Variants in MMAA observed in about 807,000 individuals in gnomAD.
MMAA encodes the protein methylmalonic aciduria type A protein, mitochondrial.
MMAA carries 41 observed loss-of-function variants against 45.0 expected under a neutral mutation model. That is an observed-to-expected ratio of 0.91 (90% CI 0.71 to 1.18). The LOEUF is 1.18. MMAA is among the 50% of genes most tolerant of loss of function. The pLI is 0.00. For synonymous variants in MMAA, 154 were observed against 178.2 expected, an observed-to-expected ratio of 0.86 and a Z score of 1.08; for missense variants, 460 against 495.7, an observed-to-expected ratio of 0.93 and a Z score of 0.68.
intron 1 of MMAA, among the ~76,000 whole-genome samples, chr4:145,638,826 A>G (rs80026420): frequency 6.6e-6 from 1 of 152,150 alleles, no homozygotes; most frequent in South Asian, 2.1e-4. Context: ...TTAGAAGAAA[A>G]AGTGTAAATT....
chr4:145,631,753 G>T (rs914818167), intron 1 of MMAA, among the ~76,000 whole-genome samples: 1 of 151,940 alleles, frequency 6.6e-6, no homozygotes, highest in Non-Finnish European at 1.5e-5. Flanking sequence ...GTGATTTTCT[G>T]TGCTGATATG....
intron 1 of MMAA, chr4:145,625,539 A>C: frequency 1.3e-6 from 1 of 750,202 alleles, no homozygotes; most frequent in Non-Finnish European, 2.5e-6. Flanking sequence ...ATAAGCCATC[A>C]AGTGCTCAGA....
chr4:145,624,560 T>G (rs996832497), intron 1 of MMAA: 12 of 1,195,598 alleles, frequency 1.0e-5, no homozygotes, highest in Non-Finnish European at 3.7e-6. Flanking sequence ...AATCAGCAAT[T>G]CTAGAAGGAA....
At chr4:145,651,577 A>G (rs547915367) in intron 5 of MMAA, among the ~76,000 whole-genome samples, 2 of 152,312 alleles carry the variant, frequency 1.3e-5, no homozygotes, top group African/African-American at 4.8e-5. Context: ...CAGACTTTAT[A>G]GGGTGAGGGC....
chr4:145,646,552 A>C (rs897847873), intron 4 of MMAA: 6 of 231,822 alleles, frequency 2.6e-5, no homozygotes, highest in Non-Finnish European at 3.4e-5. Flanking sequence ...GTTTTATTTC[A>C]TTGTTTTATA....
At chr4:145,619,675 T>G (rs1578865268) in intron 1 of MMAA, among the ~76,000 whole-genome samples, 1 of 152,228 alleles carries the variant, frequency 6.6e-6, no homozygotes, top group East Asian at 1.9e-4. Context: ...TTTAAAATTC[T>G]CATCTTGGTT....
intron 1 of MMAA, among the ~76,000 whole-genome samples, chr4:145,631,585 AT>A (rs984653927): frequency 1.3e-5 from 2 of 151,244 alleles, no homozygotes; most frequent in Non-Finnish European, 3.0e-5. Flanking sequence ...TGGGTCTTTT[AT>A]TTTTTTTATC....
chr4:145,625,883 C>G (rs192038304), intron 1 of MMAA: 12 of 1,491,986 alleles, frequency 8.0e-6, no homozygotes, highest in Non-Finnish European at 1.1e-5. Flanking sequence ...AACTGTGAAT[C>G]TGAGCTTTGA....
At chr4:145,650,730 T>C (rs1728066206) in intron 4 of MMAA, 1 of 337,156 alleles carries the variant, frequency 3.0e-6, no homozygotes, top group Non-Finnish European at 5.5e-6. Flanking sequence ...TTTGTAGGCA[T>C]GATTCAAGAT....
chr4:145,648,966 G>A (rs905797310), intron 4 of MMAA, among the ~76,000 whole-genome samples: 2 of 151,540 alleles, frequency 1.3e-5, no homozygotes, highest in Admixed American at 6.6e-5. Context: ...CAGCTGGGGT[G>A]ACAGAGTGAG....
At chr4:145,654,562 T>C (rs1470051550) in intron 6 of MMAA, among the ~76,000 whole-genome samples, 2 of 152,252 alleles carry the variant, frequency 1.3e-5, no homozygotes, top group African/African-American at 2.4e-5. Flanking sequence ...TGTGGTCATC[T>C]TTATCTGTAG....
Position 145,620,994 on chromosome 4 carries a change from G to A in MMAA, c.-66+1587G>A, listed in dbSNP as rs79041663. Among the ~76,000 whole-genome samples the A allele has an allele frequency of 1.4e-3, 217 of 152,246 alleles. 1 individual carries two copies. The East Asian group carries it at 0.036, about 26-fold the overall frequency. On this transcript the variant is annotated intron_variant, in intron 1 of 6. Transcript: ENST00000649156. ...ACTTTTGGAGGAATTTGAGTAGGAG[G>A]CTAAGGAGATCACATTCACCTTTCA...
chr4:145,639,962 T>G, intron 2 of MMAA: 2 of 487,716 alleles, frequency 4.1e-6, no homozygotes, highest in African/African-American at 2.1e-5. Flanking sequence ...ATTATCACGT[T>G]TGAAAATTCT....
Position 145,657,181 on chromosome 4 carries a change from TAA to T in MMAA, c.*1750_*1751del, listed in dbSNP as rs1728258424. Reference sequence around the variant, plus strand: ...CTTTTGTTAGCTTTAATTTTAAGGCTAAAAGCATTTCTTCTCAGTTTGAACTA... The same window carrying T: ...CTTTTGTTAGCTTTAATTTTAAGGCTAAGCATTTCTTCTCAGTTTGAACTA... On this transcript the variant is annotated 3_prime_UTR_variant, in exon 7 of 7. Transcript: ENST00000649156. The T allele has an allele frequency of 6.6e-6, 1 of 152,216 alleles. No individual in the cohort carries two copies. The highest frequency in any genetic ancestry group is 2.4e-5 in the African/African-American group (1 of 41,470). 9.4% of individuals were successfully genotyped at this position (152,216 alleles called of 1,614,324 possible). A position where few individuals can be genotyped will look rare whatever the true frequency, so the allele number is the denominator to read the frequency against.
rs1426084407 is a variant in MMAA, at chr4:145,658,590, G to A, written c.*3156G>A. The A allele has an allele frequency of 6.6e-6, 1 of 151,446 alleles. No homozygotes were observed. The highest frequency in any genetic ancestry group is 1.5e-5 in the Non-Finnish European group (1 of 67,966). The allele number at this position is 151,446 out of a possible 1,614,324, so 9.4% of individuals were successfully genotyped here. ...CTCTTCAGAATCACTCGATCATATG[G>A]CCATTTCCCTAAGCTTTTATAGCTA... is the stretch of plus-strand genomic sequence containing the variant. On this transcript the variant is annotated 3_prime_UTR_variant, in exon 7 of 7. Coordinates refer to ENST00000649156, the MANE Select transcript of MMAA (RefSeq NM_172250.3).
In MMAA at chr4:145,659,118, A is replaced by T. The variant is rs1418565380; in HGVS notation, c.*3684A>T. The T allele has an allele frequency of 6.6e-6, 1 of 152,228 alleles. No individual in the cohort carries two copies. The highest frequency in any genetic ancestry group is 1.5e-5 in the Non-Finnish European group (1 of 68,040). The allele number at this position is 152,228 out of a possible 1,614,324, so 9.4% of individuals were successfully genotyped here. A position where few individuals can be genotyped will look rare whatever the true frequency, so the allele number is the denominator to read the frequency against. On this transcript the variant is annotated 3_prime_UTR_variant, in exon 7 of 7. Coordinates refer to ENST00000649156, the MANE Select transcript of MMAA (RefSeq NM_172250.3). ...AAACTTTCCTTTAAAAGGAACAATC[A>T]GAAAAACTCTTTAACAAATGTTTTT...
At chr4:145,649,542 A>G (rs1177752843) in intron 4 of MMAA, among the ~76,000 whole-genome samples, 1 of 152,232 alleles carries the variant, frequency 6.6e-6, no homozygotes, top group Non-Finnish European at 1.5e-5. Context: ...TAAGAGGTAT[A>G]GCTGAATTAG....
rs1728271060 is a variant in MMAA, at chr4:145,657,616, T to G, written c.*2182T>G. Reference sequence around the variant, plus strand: ...AGGGTTGGAAGAATTAATTTAGAAATTGTACAGTGCTTAGCCTCAATAATT... The same window carrying G: ...AGGGTTGGAAGAATTAATTTAGAAAGTGTACAGTGCTTAGCCTCAATAATT... On this transcript the variant is annotated 3_prime_UTR_variant, in exon 7 of 7. Transcript: ENST00000649156. 6.6e-6 allele frequency: 1 copy of G among 152,206 alleles called. No homozygotes were observed. Among genetic ancestry groups the G allele is most frequent in the Non-Finnish European group, 1.5e-5 (1 of 68,040 alleles). 9.4% of individuals were successfully genotyped at this position (152,206 alleles called of 1,614,324 possible).
At chr4:145,648,828 A>G (rs779253632) in intron 4 of MMAA, among the ~76,000 whole-genome samples, 1 of 152,068 alleles carries the variant, frequency 6.6e-6, no homozygotes, top group Non-Finnish European at 1.5e-5. Flanking sequence ...CTACAGAAAA[A>G]TAAAAAAATT....
Sources: allele counts gnomAD v4.1 joint callset (sites outside exome capture counted in the v4.1 genomes callset), GRCh38; gene constraint gnomAD v4.1.1; transcripts MANE v1.5; gene names NCBI Gene and HGNC (gene_info 2026-07-23, HGNC 2026-07-21).